The following RSBN1L variants were observed in gnomAD, a reference collection of about 807,000 sequenced individuals.
RSBN1L encodes round spermatid basic protein 1 like, also known as lysine-specific demethylase RSBN1L.
Under a neutral mutation model 67.7 loss-of-function variants are expected in RSBN1L, and 30 were observed. That is an observed-to-expected ratio of 0.44 (90% CI 0.33 to 0.60). RSBN1L has a LOEUF of 0.60. Among genes scored for constraint, RSBN1L ranks in the 20% least tolerant of loss-of-function variants. The probability of loss-of-function intolerance (pLI) is 0.02; values close to 1 mark genes in which losing one functional copy is unlikely to be tolerated. For missense variants in RSBN1L, 992 were observed against 1,031.7 expected (o/e 0.96, Z 0.53); for synonymous variants, 433 against 387.0 (o/e 1.12, Z -1.39).
chr7:77,708,539 G>A (rs1003109367), intron 1 of RSBN1L, among the ~76,000 whole-genome samples: 1 of 151,914 alleles, frequency 6.6e-6, no homozygotes, highest in Non-Finnish European at 1.5e-5. Context: ...CCGCCACCGC[G>A]CCTGGCTCAT....
chr7:77,765,883 A>G (rs957264236), intron 4 of RSBN1L, among the ~76,000 whole-genome samples: 3 of 152,188 alleles, frequency 2.0e-5, no homozygotes, highest in Non-Finnish European at 4.4e-5. Context: ...GGCAAAGCTA[A>G]GTGGTGGGCC....
intron 3 of RSBN1L, 42 bp downstream of exon 3, chr7:77,750,106 A>AT: frequency 8.3e-7 from 1 of 1,205,282 alleles, no homozygotes; most frequent in Non-Finnish European, 1.1e-6. Context: ...TTAATTATAT[A>AT]TTTTTAGATG....
chr7:77,734,370 G>GT (rs1791305990), intron 1 of RSBN1L, among the ~76,000 whole-genome samples: 1 of 151,996 alleles, frequency 6.6e-6, no homozygotes, highest in Non-Finnish European at 1.5e-5. Flanking sequence ...ATGTGGAGAC[G>GT]TTTTAGGTGA....
At chr7:77,711,988 T>C (rs931508697) in intron 1 of RSBN1L, among the ~76,000 whole-genome samples, 1 of 152,202 alleles carries the variant, frequency 6.6e-6, no homozygotes, top group Non-Finnish European at 1.5e-5. Flanking sequence ...GGTCTTCATC[T>C]GTAAAATAAG....
chr7:77,726,099 T>A (rs1489761247), intron 1 of RSBN1L, among the ~76,000 whole-genome samples: 1 of 152,182 alleles, frequency 6.6e-6, no homozygotes, highest in African/African-American at 2.4e-5. Context: ...TCAGAGTAGT[T>A]TTAGATTTAC....
At chr7:77,705,721 A>T (rs1790883264) in intron 1 of RSBN1L, among the ~76,000 whole-genome samples, 1 of 151,612 alleles carries the variant, frequency 6.6e-6, no homozygotes, top group African/African-American at 2.4e-5. Context: ...CATGTTGACC[A>T]GGCTGGTCTT....
chr7:77,772,464 G>C (rs916236760), intron 5 of RSBN1L, among the ~76,000 whole-genome samples: 2 of 152,236 alleles, frequency 1.3e-5, no homozygotes, highest in African/African-American at 2.4e-5. Flanking sequence ...AGGCTAAGTA[G>C]GCAGCAACTT....
chr7:77,771,790 G>A (rs181447908), intron 5 of RSBN1L, among the ~76,000 whole-genome samples: 6 of 151,808 alleles, frequency 4.0e-5, no homozygotes, highest in South Asian at 4.2e-4. Context: ...GATTACAAGC[G>A]TGAGCCACTG....
chr7:77,769,380 TTAA>T (rs1212613629), intron 5 of RSBN1L, among the ~76,000 whole-genome samples: 1 of 152,202 alleles, frequency 6.6e-6, no homozygotes, highest in Non-Finnish European at 1.5e-5. Context: ...TATTGGGAAC[TTAA>T]TATATGAGAT....
At chr7:77,775,775 G>T (rs1447448684) in intron 6 of RSBN1L, among the ~76,000 whole-genome samples, 2 of 152,112 alleles carry the variant, frequency 1.3e-5, no homozygotes, top group East Asian at 3.8e-4. Flanking sequence ...GTGTATTTTG[G>T]CTAGGCGCGG....
chr7:77,742,968 A>C (rs1352489761), intron 2 of RSBN1L, among the ~76,000 whole-genome samples: 1 of 152,210 alleles, frequency 6.6e-6, no homozygotes, highest in Admixed American at 6.5e-5. Flanking sequence ...AGCCTTGCAA[A>C]CAGGACTGAG....
chr7:77,702,110 C>T (rs1790826833), intron 1 of RSBN1L, among the ~76,000 whole-genome samples: 1 of 151,938 alleles, frequency 6.6e-6, no homozygotes, highest in African/African-American at 2.4e-5. Context: ...GGACTACAGG[C>T]GCACACCACC....
intron 2 of RSBN1L, among the ~76,000 whole-genome samples, chr7:77,739,466 A>C (rs1352506614): frequency 1.3e-5 from 2 of 151,942 alleles, no homozygotes; most frequent in Non-Finnish European, 2.9e-5. Flanking sequence ...TAATCCCAGC[A>C]CTTTGGGAGG....
chr7:77,778,563 CAA>C lies in RSBN1L; in HGVS notation c.1937_1938del (p.Gln646ProfsTer15). 1 of 1,613,262 alleles carries C rather than the reference CAA, an allele frequency of 6.2e-7. No homozygotes were observed. The highest frequency in any genetic ancestry group is 8.5e-7 in the Non-Finnish European group (1 of 1,179,546). On this transcript the variant is annotated frameshift_variant, in exon 8 of 8. Coordinates refer to ENST00000334955, the MANE Select transcript of RSBN1L (RefSeq NM_198467.3). LOFTEE classifies it high-confidence loss of function. Reference sequence around the variant, plus strand: ...ATGGGTTGATGATGCAAAACTGAATCAACTGAGGAGGGAAGGCATTCGCTATG... The same window carrying C: ...ATGGGTTGATGATGCAAAACTGAATCCTGAGGAGGGAAGGCATTCGCTATG... ...VQWVDDAKLN[Q>X]LRREGIRYAR... is the part of the protein sequence containing the mutation.
intron 1 of RSBN1L, among the ~76,000 whole-genome samples, chr7:77,711,592 C>G (rs1222359763): frequency 2.0e-5 from 3 of 152,180 alleles, no homozygotes; most frequent in Non-Finnish European, 1.5e-5. Context: ...ATCCTCCTGT[C>G]TTAGCCTCTG....
intron 6 of RSBN1L, among the ~76,000 whole-genome samples, chr7:77,774,738 C>A (rs1791889883): frequency 6.6e-6 from 1 of 152,166 alleles, no homozygotes; most frequent in Admixed American, 6.5e-5. Flanking sequence ...AACTCCGTCC[C>A]ACCACCAACA....
At chr7:77,726,402 G>A (rs1311893866) in intron 1 of RSBN1L, among the ~76,000 whole-genome samples, 3 of 152,162 alleles carry the variant, frequency 2.0e-5, no homozygotes, top group Non-Finnish European at 4.4e-5. Context: ...AGGTGTACCA[G>A]TTAGGTATTT....
At chr7:77,742,417 C>G (rs185671961) in intron 2 of RSBN1L, among the ~76,000 whole-genome samples, 12 of 152,254 alleles carry the variant, frequency 7.9e-5, no homozygotes, top group Admixed American at 2.6e-4. Context: ...GAAATCTTGT[C>G]TGCCAGAGAA....
At chr7:77,701,913 A>G (rs559057120) in intron 1 of RSBN1L, among the ~76,000 whole-genome samples, 11 of 152,146 alleles carry the variant, frequency 7.2e-5, no homozygotes, top group Non-Finnish European at 1.5e-4. Context: ...TTGGCCTCCC[A>G]AAGTGCTGGG....
Sources: allele counts gnomAD v4.1 joint callset (sites outside exome capture counted in the v4.1 genomes callset), GRCh38; gene constraint gnomAD v4.1.1; transcripts MANE v1.5; gene names NCBI Gene and HGNC (gene_info 2026-07-23, HGNC 2026-07-21).